Variants in IPP observed in about 807,000 individuals in gnomAD.
IPP encodes actin-binding protein IPP.
A neutral mutation model predicts 64.1 loss-of-function variants in IPP; 41 were observed. The ratio of observed to expected loss-of-function variants is 0.64; its 90% CI spans 0.50 to 0.83. The LOEUF (loss-of-function observed/expected upper bound fraction) is 0.83, where lower values mean the gene tolerates loss of function less well. IPP is among the 40% of genes least tolerant of loss of function. The pLI, the probability that IPP is intolerant of heterozygous loss-of-function variation, is 0.00. For missense variants in IPP, 649 were observed against 703.0 expected, an observed-to-expected ratio of 0.92 and a Z score of 0.87; for synonymous variants, 214 against 235.2, an observed-to-expected ratio of 0.91 and a Z score of 0.83.
At position 45,719,223 on chromosome 1, in the gene IPP, T is replaced by A; in HGVS notation, c.1166A>T (p.Tyr389Phe). ...PRCGLGVCVCYGAIYALGGWV... is the reference protein window; with the variant it reads ...PRCGLGVCVCFGAIYALGGWV... The stretch of plus-strand genomic sequence containing the variant: ...ATTACCCAAAGCATAGATAGCCCCA[T>A]AACACACACACACTCCTAAGCCGCA... The change falls in exon 6 of 9, where the codon TAT (tyrosine) becomes TTT (phenylalanine). Residue 389 changes from tyrosine to phenylalanine, a missense_variant. Physicochemically the swap from Tyr to Phe is conservative, Grantham distance 22. Transcript: ENST00000396478. The A allele has an allele frequency of 6.2e-7, 1 of 1,613,940 alleles. No individual in the cohort carries two copies.
intron 1 of IPP, among the ~76,000 whole-genome samples, chr1:45,747,117 CG>C (rs1646147223): frequency 6.7e-6 from 1 of 149,904 alleles, no homozygotes; most frequent in African/African-American, 2.4e-5. Context: ...CGCGCGCACA[CG>C]AGCGCGCGCG....
At chr1:45,712,462 T>C (rs778098496) in intron 8 of IPP, among the ~76,000 whole-genome samples, 5 of 151,954 alleles carry the variant, frequency 3.3e-5, no homozygotes, top group Non-Finnish European at 5.9e-5. Context: ...TAGAAGTCAA[T>C]AATAAAAGAT....
At chr1:45,736,076 G>T (rs972010042) in intron 3 of IPP, among the ~76,000 whole-genome samples, 1 of 148,156 alleles carries the variant, frequency 6.7e-6, no homozygotes. Context: ...ACACCACTGC[G>T]TTCTAGCTTC....
Position 45,746,234 on chromosome 1 carries a change from G to A in IPP, c.178C>T (p.Pro60Ser). The stretch of plus-strand genomic sequence containing the variant: ...CCAGTGAACAAAGCTGCAAAGTAAG[G>A]ACTGCTGGCAGCCAAAACCAGCCGA... The part of the protein sequence containing the change: ...AHRLVLAASS[P>S]YFAALFTGGM... Residue 60 changes from proline (P) to serine (S), a missense_variant, in exon 2 of 9, where the codon CCT becomes TCT. Pro to Ser is a moderately conservative substitution (Grantham distance 74, BLOSUM62 -1). Coordinates refer to ENST00000396478, the MANE Select transcript of IPP (RefSeq NM_005897.3). 1 of 1,614,118 alleles carries A rather than the reference G, an allele frequency of 6.2e-7. No individual in the cohort carries two copies.
At chr1:45,721,555 T>C (rs1256191526) in intron 5 of IPP, among the ~76,000 whole-genome samples, 2 of 152,206 alleles carry the variant, frequency 1.3e-5, no homozygotes, top group Middle Eastern at 3.2e-3. Flanking sequence ...CCTTCCAGAC[T>C]TCATCACATG....
At chr1:45,727,585 A>G in intron 5 of IPP, 46 bp downstream of exon 5, 1 of 1,247,738 alleles carries the variant, frequency 8.0e-7, no homozygotes, top group Non-Finnish European at 1.1e-6. Context: ...ATATTAGAAT[A>G]TAGCCAACAA....
intron 3 of IPP, among the ~76,000 whole-genome samples, chr1:45,740,004 A>C (rs2148580499): frequency 6.6e-6 from 1 of 152,154 alleles, no homozygotes; most frequent in African/African-American, 2.4e-5. Context: ...GGTACTTGAG[A>C]TTAGGGAGTG....
At chr1:45,717,088 C>T (rs1236035735) in intron 6 of IPP, 71 bp from the exon 7 acceptor site, 2 of 1,390,086 alleles carry the variant, frequency 1.4e-6, no homozygotes, top group Middle Eastern at 1.8e-4. Context: ...CCTTAGAAAA[C>T]ATCTAAACCA....
intron 1 of IPP, among the ~76,000 whole-genome samples, chr1:45,748,073 C>A (rs144705800): frequency 1.3e-5 from 2 of 152,076 alleles, no homozygotes; most frequent in East Asian, 1.9e-4. Context: ...TAGGAATTAA[C>A]TTATTGAGAA....
chr1:45,729,814 T>A (rs916111151), intron 3 of IPP, 45 bp from the exon 4 acceptor site: 2 of 1,186,288 alleles, frequency 1.7e-6, no homozygotes, highest in Admixed American at 2.6e-5. Context: ...AATTTTTAAA[T>A]AATATTGAAA....
At chr1:45,724,036 A>C (rs1645768935) in intron 5 of IPP, among the ~76,000 whole-genome samples, 1 of 147,156 alleles carries the variant, frequency 6.8e-6, no homozygotes, top group African/African-American at 2.5e-5. Flanking sequence ...TGCCGAGCCA[A>C]AGCTGGACTG....
intron 1 of IPP, among the ~76,000 whole-genome samples, chr1:45,748,807 T>TA (rs1457312299): frequency 6.6e-6 from 1 of 151,746 alleles, no homozygotes; most frequent in African/African-American, 2.4e-5. Flanking sequence ...CCATCTCTAC[T>TA]AAAAAATACA....
At position 45,699,560 on chromosome 1, in the gene IPP, T is replaced by C. The variant is rs1365624420; in HGVS notation, c.*406A>G. On this transcript the variant is annotated 3_prime_UTR_variant, in exon 9 of 9. Coordinates refer to ENST00000396478, the MANE Select transcript of IPP (RefSeq NM_005897.3). ...GGAGAATTCTACAGCATAAATGGCA[T>C]TTCTATTATTAGTAAACCTGGCAAA... is the stretch of plus-strand genomic sequence containing the variant. The C allele has an allele frequency of 3.0e-6, 3 of 991,428 alleles. No individual in the cohort carries two copies. The African/African-American group carries it at 5.2e-5, about 17-fold the overall frequency. The allele number at this position is 991,428 out of a possible 1,614,324, so 61.4% of individuals were successfully genotyped here.
intron 3 of IPP, among the ~76,000 whole-genome samples, chr1:45,731,592 C>A (rs995388838): frequency 6.6e-6 from 1 of 152,144 alleles, no homozygotes; most frequent in Non-Finnish European, 1.5e-5. Flanking sequence ...TTGACATGAA[C>A]AACAGTTCAG....
intron 8 of IPP, among the ~76,000 whole-genome samples, chr1:45,706,756 A>AT (rs1163736452): frequency 1.3e-5 from 2 of 152,174 alleles, no homozygotes; most frequent in East Asian, 3.9e-4. Context: ...AGCCTAAATA[A>AT]TTTTTTTAAG....
rs951695762 is a variant in IPP, at chr1:45,740,751, A to G, written c.724+150T>C. 6 of 550,312 alleles carry G rather than the reference A, an allele frequency of 1.1e-5. No homozygotes were observed. In the East Asian group the frequency reaches 1.8e-4, roughly 16 times the overall value. 34.1% of individuals were successfully genotyped at this position (550,312 alleles called of 1,614,324 possible). On this transcript the variant is annotated intron_variant, in intron 3 of 8. Coordinates refer to ENST00000396478, the MANE Select transcript of IPP (RefSeq NM_005897.3). ...AGAACACAAAAGTTGTATCTTAATC[A>G]TTCAATACATTTTAAAAAAAGAAAA...
intron 3 of IPP, among the ~76,000 whole-genome samples, chr1:45,732,169 G>A (rs1645916730): frequency 1.3e-5 from 2 of 151,914 alleles, no homozygotes; most frequent in African/African-American, 4.8e-5. Context: ...AGACCAGTCT[G>A]GCCAACATGG....
chr1:45,712,146 G>A (rs777373110), intron 8 of IPP, among the ~76,000 whole-genome samples: 6 of 151,586 alleles, frequency 4.0e-5, no homozygotes, highest in Non-Finnish European at 8.8e-5. Flanking sequence ...TGAAACCCTG[G>A]CTCTACTAAA....
chr1:45,727,652 C>A lies in IPP; in HGVS notation c.1027G>T (p.Gly343Trp). The change falls in exon 5 of 9, where the codon GGG (glycine) becomes TGG (tryptophan). Residue 343 changes from glycine (G) to tryptophan (W), a missense_variant. Physicochemically the swap from Gly to Trp is radical, Grantham distance 184. Coordinates refer to ENST00000396478, the MANE Select transcript of IPP (RefSeq NM_005897.3). ...RSGLGVTVLG[G>W]MVYAIGGEKD... ...TTACCTCCAATAGCGTAGACCATCC[C>A]TCCCAGAACTGTTACTCCCAGCCCA... 6.3e-7 allele frequency: 1 copy of A among 1,578,836 alleles called. No homozygotes were observed. Among genetic ancestry groups the A allele is most frequent in the Non-Finnish European group, 8.7e-7 (1 of 1,154,704 alleles).
Sources: gnomAD v4.1 joint callset for allele counts (sites outside exome capture counted in the v4.1 genomes callset) on GRCh38, gnomAD v4.1.1 for gene constraint, MANE v1.5 for transcripts, NCBI Gene and HGNC (gene_info 2026-07-23, HGNC 2026-07-21) for gene names.